Variants in FAM193B observed in about 807,000 individuals in gnomAD.
FAM193B encodes the protein family with sequence similarity 193 member B, also known as protein FAM193B.
Under a neutral mutation model 70.7 loss-of-function variants are expected in FAM193B, and 27 were observed. The ratio of observed to expected loss-of-function variants is 0.38; its 90% CI spans 0.28 to 0.53. The LOEUF (loss-of-function observed/expected upper bound fraction) is 0.53, where lower values mean the gene tolerates loss of function less well. Ranked by LOEUF, FAM193B falls within the 20% of genes least tolerant of loss-of-function variation. FAM193B has a pLI of 0.81. For synonymous variants in FAM193B, 448 were observed against 436.0 expected (o/e 1.03, Z -0.34); for missense variants, 1,022 against 1,072.5 (o/e 0.95, Z 0.66).
At chr5:177,531,258 G>C in intron 5 of FAM193B, 2 of 1,258,742 alleles carry the variant, frequency 1.6e-6, no homozygotes, top group Non-Finnish European at 2.1e-6. Flanking sequence ...AGAGACGGCA[G>C]AGCTGGGCTC....
rs1177959298 is a variant in FAM193B at position 177,554,081 on chromosome 5, C to A, written c.210+168G>T. 5 of 1,382,958 alleles carry A rather than the reference C, an allele frequency of 3.6e-6. No individual in the cohort carries two copies. In the East Asian group the frequency reaches 9.3e-5, roughly 26 times the overall value. 85.7% of individuals were successfully genotyped at this position (1,382,958 alleles called of 1,614,324 possible). On this transcript the variant is annotated intron_variant, in intron 1 of 8. Transcript: ENST00000514747. Reference sequence around the variant, plus strand: ...GAGCCTCGGCTTTGGGGAGAGGGGTCCAGCCTCCATTCCCGCCCCGGGGGA... The same window carrying A: ...GAGCCTCGGCTTTGGGGAGAGGGGTACAGCCTCCATTCCCGCCCCGGGGGA...
At chr5:177,521,308 C>T (rs1761696939) in intron 8 of FAM193B, among the ~76,000 whole-genome samples, 1 of 152,230 alleles carries the variant, frequency 6.6e-6, no homozygotes, top group African/African-American at 2.4e-5. Flanking sequence ...CAGTCCAGAT[C>T]ATCATCTGGT....
chr5:177,553,946 G>A lies in FAM193B; in HGVS notation c.210+303C>T, dbSNP rs916951440. On this transcript the variant is annotated intron_variant, in intron 1 of 8. Transcript: ENST00000514747. Reference sequence around the variant, plus strand: ...GGGCCGAGAGCGGAGCTGCGGCCTCGGGATCACAGCCCAGTCCCAGTCCCA... The same window carrying A: ...GGGCCGAGAGCGGAGCTGCGGCCTCAGGATCACAGCCCAGTCCCAGTCCCA... 40 of 1,243,136 alleles carry A rather than the reference G, an allele frequency of 3.2e-5. No homozygotes were observed. In the East Asian group the frequency reaches 5.5e-4, roughly 17 times the overall value. 77.0% of individuals were successfully genotyped at this position (1,243,136 alleles called of 1,614,324 possible).
At chr5:177,549,746 C>T (rs949234030) in intron 1 of FAM193B, among the ~76,000 whole-genome samples, 1 of 152,204 alleles carries the variant, frequency 6.6e-6, no homozygotes, top group Non-Finnish European at 1.5e-5. Context: ...AGTGTCTGCA[C>T]AATAAATGCC....
At chr5:177,539,250 G>A (rs1284880105) in intron 1 of FAM193B, 103 bp from the exon 2 acceptor site, 1 of 1,365,234 alleles carries the variant, frequency 7.3e-7, no homozygotes, top group Non-Finnish European at 9.6e-7. Flanking sequence ...CCAGGCACTG[G>A]GTTAGGCACT....
chr5:177,542,771 C>CTGTTACAGTAGT (rs1554119775), intron 1 of FAM193B, among the ~76,000 whole-genome samples: 6 of 152,242 alleles, frequency 3.9e-5, no homozygotes. Flanking sequence ...TCCTAGTACA[C>CTGTTACAGTAGT]TGTGCCTTGG....
At chr5:177,550,344 C>A (rs970475530) in intron 1 of FAM193B, among the ~76,000 whole-genome samples, 3 of 152,114 alleles carry the variant, frequency 2.0e-5, no homozygotes, top group Non-Finnish European at 2.9e-5. Context: ...AGGGGGAGGT[C>A]CCCAAAGATA....
intron 1 of FAM193B, chr5:177,539,482 G>C (rs1348964868): frequency 4.1e-6 from 1 of 241,256 alleles, no homozygotes; most frequent in Non-Finnish European, 8.2e-6. Context: ...AGAGAAGATG[G>C]CCCTTCCCTC....
intron 1 of FAM193B, among the ~76,000 whole-genome samples, chr5:177,546,137 T>A (rs775328797): frequency 6.6e-6 from 1 of 152,244 alleles, no homozygotes; most frequent in African/African-American, 2.4e-5. Context: ...CATTCAACAT[T>A]GTCAGAGTCC....
intron 5 of FAM193B, among the ~76,000 whole-genome samples, chr5:177,530,052 CA>C (rs534127930): frequency 6.4e-4 from 97 of 152,156 alleles, no homozygotes; most frequent in Non-Finnish European, 1.2e-3. Flanking sequence ...TTGTTACACC[CA>C]AATCTCTTCG....
chr5:177,524,950 C>G lies in FAM193B; in HGVS notation c.1531G>C (p.Glu511Gln). ...TTTGAGGGGGGTAGACTCTGAGGCT[C>G]AGGCTCAGCAGCCCCCTCCTTAGAG... Reference protein sequence around the residue: ...GFSKEGAAEPEPQSLPPSNLS... With the variant: ...GFSKEGAAEPQPQSLPPSNLS... Residue 511 changes from glutamate (E) to glutamine (Q), a missense_variant, in exon 6 of 9, where the codon GAG becomes CAG. Coordinates refer to ENST00000514747, the MANE Select transcript of FAM193B (RefSeq NM_001190946.3). The G allele has an allele frequency of 6.6e-7, 1 of 1,507,266 alleles. No homozygotes were observed. The highest frequency in any genetic ancestry group is 8.9e-7 in the Non-Finnish European group (1 of 1,129,146). The allele number at this position is 1,507,266 out of a possible 1,614,324, so 93.4% of individuals were successfully genotyped here.
chr5:177,545,300 T>C (rs2127484383), intron 1 of FAM193B, among the ~76,000 whole-genome samples: 1 of 152,346 alleles, frequency 6.6e-6, no homozygotes, highest in East Asian at 1.9e-4. Context: ...TGCCTCAGCC[T>C]CTCAAAGTGC....
intron 3 of FAM193B, among the ~76,000 whole-genome samples, chr5:177,537,523 C>T (rs868311211): frequency 1.3e-5 from 2 of 152,322 alleles, no homozygotes; most frequent in South Asian, 4.1e-4. Flanking sequence ...GACAAGGTTG[C>T]CCAGGTCCTC....
At chr5:177,545,638 G>C (rs1412184321) in intron 1 of FAM193B, among the ~76,000 whole-genome samples, 2 of 143,958 alleles carry the variant, frequency 1.4e-5, no homozygotes, top group East Asian at 2.1e-4. Flanking sequence ...TCCAAACTGG[G>C]TAACAGTGAG....
intron 5 of FAM193B, among the ~76,000 whole-genome samples, chr5:177,526,346 C>T (rs1762595296): frequency 6.6e-6 from 1 of 152,150 alleles, no homozygotes; most frequent in Non-Finnish European, 1.5e-5. Context: ...GTGTGGGGTC[C>T]TTTCCCATGT....
Position 177,532,377 on chromosome 5 carries a change from C to T in FAM193B, c.1275+66G>A. On this transcript the variant is annotated intron_variant, in intron 5 of 8. Coordinates refer to ENST00000514747, the MANE Select transcript of FAM193B (RefSeq NM_001190946.3). The surrounding 1 kb of genome is among the most constrained non-coding windows in gnomAD (Gnocchi z 4.9). ...TGAGCAACGGGGTCTCTGGGGAGAG[C>T]AGGGTGCTCCTTTTGCTCACCTTGG... The T allele has an allele frequency of 6.5e-7, 1 of 1,545,776 alleles. No homozygotes were observed. The highest frequency in any genetic ancestry group is 2.4e-5 in the East Asian group (1 of 41,980).
intron 1 of FAM193B, among the ~76,000 whole-genome samples, chr5:177,540,103 G>A (rs1406692508): frequency 2.4e-4 from 36 of 151,800 alleles, no homozygotes; most frequent in Non-Finnish European, 2.9e-5. Context: ...TCAGGAGATC[G>A]AAACCATCCT....
At chr5:177,550,975 G>A (rs1175232436) in intron 1 of FAM193B, among the ~76,000 whole-genome samples, 1 of 150,978 alleles carries the variant, frequency 6.6e-6, no homozygotes, top group East Asian at 1.9e-4. Context: ...GACTATAGGT[G>A]TGAACCCATG....
Position 177,536,379 on chromosome 5 carries a change from T to G in FAM193B, c.1055A>C (p.Gln352Pro). 1 of 1,609,768 alleles carries G rather than the reference T, an allele frequency of 6.2e-7. No homozygotes were observed. Among genetic ancestry groups the G allele is most frequent in the Non-Finnish European group, 8.5e-7 (1 of 1,178,808 alleles). The stretch of plus-strand genomic sequence containing the variant: ...TTACCTGTGAGTGCTAGGGAGTGGC[T>G]GAGAGCTCGGGGGTGGGAGGAGAGG... ...SGPLLPPPSS[Q>P]PLPSTHRDPG... The change falls in exon 4 of 9, where the codon CAG (glutamine) becomes CCG (proline). Residue 352 changes from glutamine (Q) to proline (P), a missense_variant. Gln to Pro is a moderately conservative substitution (Grantham distance 76). Transcript: ENST00000514747.
Sources: gnomAD v4.1 joint callset for allele counts (sites outside exome capture counted in the v4.1 genomes callset) on GRCh38, gnomAD v4.1.1 for gene constraint, Gnocchi (gnomAD v3.1) non-coding constraint, MANE v1.5 for transcripts, NCBI Gene and HGNC (gene_info 2026-07-23, HGNC 2026-07-21) for gene names.